Variants in DNM3 observed in about 807,000 individuals in gnomAD.
The protein encoded by DNM3 is dynamin 3.
Under a neutral mutation model 101.6 loss-of-function variants are expected in DNM3, and 47 were observed. The ratio of observed to expected loss-of-function variants is 0.46; its 90% CI spans 0.37 to 0.59. The LOEUF is 0.59. Ranked by LOEUF, DNM3 falls within the 20% of genes least tolerant of loss-of-function variation. DNM3 has a pLI of 0.00. For missense variants in DNM3, 849 were observed against 1,085.7 expected, an observed-to-expected ratio of 0.78 and a Z score of 3.06; for synonymous variants, 385 against 387.9, an observed-to-expected ratio of 0.99 and a Z score of 0.09.
At position 171,985,668 on chromosome 1, in the gene DNM3, G is replaced by A. The variant is rs117449134; in HGVS notation, c.236-1988G>A. 5.3e-5 allele frequency among the ~76,000 whole-genome samples: 8 copies of A among 152,312 alleles called. No homozygotes were observed. The East Asian group carries it at 1.5e-3, about 29-fold the overall frequency. On this transcript the variant is annotated intron_variant, in intron 2 of 20. Coordinates refer to ENST00000627582, the MANE Select transcript of DNM3 (RefSeq NM_015569.5). Reference sequence around the variant, plus strand: ...ATACTCATGTCCATGCATGTTGTCAGGAAAGACAGAAATTAAATCCGTCTC... The same window carrying A: ...ATACTCATGTCCATGCATGTTGTCAAGAAAGACAGAAATTAAATCCGTCTC...
At chr1:172,183,098 A>G (rs2059403876) in intron 14 of DNM3, among the ~76,000 whole-genome samples, 1 of 152,110 alleles carries the variant, frequency 6.6e-6, no homozygotes, top group Non-Finnish European at 1.5e-5. Context: ...CCAAAAGTTT[A>G]GTGGGAAGTG....
At chr1:171,875,813 C>CTCTTTTTTTT (rs764794980) in intron 1 of DNM3, among the ~76,000 whole-genome samples, 7 of 104,676 alleles carry the variant, frequency 6.7e-5, no homozygotes, top group Admixed American at 6.1e-4. Context: ...AGTTGTCTCT[C>CTCTTTTTTTT]TTTTTTTTTT....
rs78889004 is a variant in DNM3, at chr1:172,299,451, C to T, written c.1770-9277C>T. Among the ~76,000 whole-genome samples the T allele has an allele frequency of 3.0e-3, 457 of 152,208 alleles. 2 individuals carry two copies. Among genetic ancestry groups the T allele is most frequent in the African/African-American group, 0.01 (430 of 41,516 alleles). On this transcript the variant is annotated intron_variant, in intron 15 of 20. Transcript: ENST00000627582. ...TTTGTTACATGGGTATATCACATGA[C>T]GCTGAGGTTTGGTGTACAAATGATC... is the stretch of plus-strand genomic sequence containing the variant.
At chr1:171,844,525 G>C (rs142246891) in intron 1 of DNM3, among the ~76,000 whole-genome samples, 1 of 152,094 alleles carries the variant, frequency 6.6e-6, no homozygotes, top group Non-Finnish European at 1.5e-5. Flanking sequence ...GAATGAATTC[G>C]GATGTGAATA....
chr1:172,250,003 T>A (rs1207590282), intron 14 of DNM3, among the ~76,000 whole-genome samples: 1 of 152,178 alleles, frequency 6.6e-6, no homozygotes, highest in Admixed American at 6.5e-5. Flanking sequence ...AAACAATATA[T>A]AAGCTACTTA....
chr1:172,165,561 T>C, intron 14 of DNM3, among the ~76,000 whole-genome samples: 1 of 151,996 alleles, frequency 6.6e-6, no homozygotes, highest in East Asian at 1.9e-4. Flanking sequence ...CTGCTCCAGA[T>C]CCCTAGCCAA....
chr1:172,318,141 G>T (rs1012580179), intron 16 of DNM3, among the ~76,000 whole-genome samples: 1 of 152,148 alleles, frequency 6.6e-6, no homozygotes, highest in African/African-American at 2.4e-5. Context: ...AAAAGCACAT[G>T]ATTATTTCAA....
At chr1:172,190,103 T>C (rs1405567625) in intron 14 of DNM3, among the ~76,000 whole-genome samples, 1 of 151,854 alleles carries the variant, frequency 6.6e-6, no homozygotes, top group Admixed American at 6.6e-5. Context: ...GTTGGTGTGC[T>C]GTACCCATTG....
intron 16 of DNM3, among the ~76,000 whole-genome samples, chr1:172,311,668 T>A (rs570179023): frequency 6.6e-6 from 1 of 152,130 alleles, no homozygotes; most frequent in Non-Finnish European, 1.5e-5. Flanking sequence ...AAGTTATCCA[T>A]CTCCCAGTAA....
At chr1:172,141,490 A>G (rs1448473372) in intron 14 of DNM3, among the ~76,000 whole-genome samples, 3 of 152,092 alleles carry the variant, frequency 2.0e-5, no homozygotes, top group Non-Finnish European at 2.9e-5. Flanking sequence ...CTTACAGAGT[A>G]AGTGAAAGCT....
chr1:172,336,600 G>A (rs1573515733), intron 17 of DNM3, among the ~76,000 whole-genome samples: 1 of 148,992 alleles, frequency 6.7e-6, no homozygotes, highest in African/African-American at 2.5e-5. Flanking sequence ...CTTAAATCTA[G>A]AGCTGGTTCA....
At chr1:171,883,417 T>G (rs7516629) in intron 1 of DNM3, among the ~76,000 whole-genome samples, 4 of 48,842 alleles carry the variant, frequency 8.2e-5, no homozygotes, top group Non-Finnish European at 1.4e-4. Flanking sequence ...ACACACACCC[T>G]GTCAGAATGA....
chr1:171,898,693 C>CAT (rs555998872), intron 1 of DNM3, among the ~76,000 whole-genome samples: 43,747 of 134,120 alleles, frequency 0.33, 6,440 homozygotes, highest in Non-Finnish European at 0.33. Flanking sequence ...TGTGTATATA[C>CAT]ATATATATAT....
At chr1:172,388,341 T>G (rs1054897716) in intron 19 of DNM3, among the ~76,000 whole-genome samples, 2 of 152,162 alleles carry the variant, frequency 1.3e-5, no homozygotes, top group African/African-American at 4.8e-5. Context: ...AGAATACAGT[T>G]AAAAAGGATG....
intron 4 of DNM3, among the ~76,000 whole-genome samples, chr1:172,022,793 T>G (rs938266285): frequency 1.5e-4 from 23 of 152,124 alleles, no homozygotes; most frequent in Admixed American, 2.0e-4. Context: ...GACTTCTCAC[T>G]GTAGAGAAGG....
At chr1:171,860,633 T>C (rs894636684) in intron 1 of DNM3, among the ~76,000 whole-genome samples, 2 of 152,070 alleles carry the variant, frequency 1.3e-5, no homozygotes, top group Admixed American at 1.3e-4. Flanking sequence ...TGATAATGGA[T>C]TGGAGGCAGG....
chr1:172,036,926 A>G (rs1347555875), intron 6 of DNM3, among the ~76,000 whole-genome samples: 1 of 152,090 alleles, frequency 6.6e-6, no homozygotes, highest in East Asian at 1.9e-4. Flanking sequence ...CAGAATCTAC[A>G]ATGAACTCAA....
intron 17 of DNM3, among the ~76,000 whole-genome samples, chr1:172,336,453 G>T (rs1030853204): frequency 1.3e-5 from 2 of 148,496 alleles, no homozygotes; most frequent in Non-Finnish European, 3.0e-5. Flanking sequence ...GAAGAGAAAA[G>T]TGTCACAGGA....
chr1:172,143,892 A>C (rs1448899182), intron 14 of DNM3, among the ~76,000 whole-genome samples: 1 of 152,086 alleles, frequency 6.6e-6, no homozygotes, highest in Non-Finnish European at 1.5e-5. Flanking sequence ...GTTAGGTACT[A>C]TTATTCCTGT....
Sources: allele counts gnomAD v4.1 joint callset (sites outside exome capture counted in the v4.1 genomes callset), GRCh38; gene constraint gnomAD v4.1.1; transcripts MANE v1.5; gene names NCBI Gene and HGNC (gene_info 2026-07-23, HGNC 2026-07-21).